HRH1: variants seen among roughly 807,000 people sequenced by gnomAD.
HRH1 encodes histamine receptor H1.
A neutral mutation model predicts 10.3 loss-of-function variants in HRH1; 6 were observed. That is an observed-to-expected ratio of 0.58 (90% confidence interval 0.32 to 1.15). HRH1 has a LOEUF of 1.15. Among genes scored for constraint, HRH1 ranks in the 50% most tolerant of loss-of-function variants. The pLI is 0.05. For synonymous variants in HRH1, 242 were observed against 236.7 expected, an observed-to-expected ratio of 1.02 and a Z score of -0.21; for missense variants, 514 against 615.3, an observed-to-expected ratio of 0.84 and a Z score of 1.74.
chr3:11,219,714 CAAAAAAAAAAAA>C (rs58875644), intron 1 of HRH1, among the ~76,000 whole-genome samples: 1 of 76,778 alleles, frequency 1.3e-5, no homozygotes, highest in Admixed American at 1.5e-4. Flanking sequence ...GACTTCATCT[CAAAAAAAAAAAA>C]AAAAAAAAGG....
At chr3:11,210,378 A>G (rs773204395) in intron 1 of HRH1, among the ~76,000 whole-genome samples, 10 of 152,084 alleles carry the variant, frequency 6.6e-5, no homozygotes, top group Non-Finnish European at 1.3e-4. Context: ...TGGGTGACAA[A>G]ACGAGACCCT....
intron 1 of HRH1, among the ~76,000 whole-genome samples, chr3:11,191,290 G>C (rs995850448): frequency 6.6e-6 from 1 of 152,158 alleles, no homozygotes. Flanking sequence ...ACAGAAGTGG[G>C]TGGGGAGCCA....
At chr3:11,210,380 C>A (rs375261931) in intron 1 of HRH1, among the ~76,000 whole-genome samples, 1 of 151,982 alleles carries the variant, frequency 6.6e-6, no homozygotes, top group Non-Finnish European at 1.5e-5. Flanking sequence ...GGTGACAAAA[C>A]GAGACCCTGT....
At chr3:11,177,997 G>T (rs112071523) in intron 1 of HRH1, among the ~76,000 whole-genome samples, 15 of 152,282 alleles carry the variant, frequency 9.9e-5, no homozygotes, top group African/African-American at 3.6e-4. Flanking sequence ...CATGCAGCCT[G>T]CCATCATCTC....
At chr3:11,219,753 A>C (rs1938639443) in intron 1 of HRH1, among the ~76,000 whole-genome samples, 1 of 150,722 alleles carries the variant, frequency 6.6e-6, no homozygotes, top group South Asian at 2.1e-4. Context: ...AATTTAATTT[A>C]ATGTGTAACA....
intron 1 of HRH1, among the ~76,000 whole-genome samples, chr3:11,258,066 G>C (rs1463708755): frequency 6.6e-6 from 1 of 151,966 alleles, no homozygotes; most frequent in African/African-American, 2.4e-5. Context: ...GTAAAATAAC[G>C]AATATGCTTT....
intron 1 of HRH1, chr3:11,252,733 T>A (rs1480658657): frequency 1.3e-5 from 2 of 152,256 alleles, no homozygotes. Flanking sequence ...ATACAGGATT[T>A]AAGAAGCCCA....
At chr3:11,152,168 A>G (rs1936645678), upstream of HRH1, among the ~76,000 whole-genome samples, 1 of 152,212 alleles carries the variant, frequency 6.6e-6, no homozygotes, top group African/African-American at 2.4e-5. Context: ...GGATGACAAC[A>G]GTACCTACCT....
At chr3:11,253,812 A>T (rs897507745) in intron 1 of HRH1, among the ~76,000 whole-genome samples, 1 of 152,166 alleles carries the variant, frequency 6.6e-6, no homozygotes, top group Non-Finnish European at 1.5e-5. Context: ...TGAGAATAAG[A>T]TGTCTAAGAT....
chr3:11,171,381 G>A (rs1433440100), intron 1 of HRH1, among the ~76,000 whole-genome samples: 1 of 152,152 alleles, frequency 6.6e-6, no homozygotes, highest in Non-Finnish European at 1.5e-5. Context: ...CTCCCAAAGT[G>A]CTGGGATTAC....
At chr3:11,215,963 C>T (rs183704674) in intron 1 of HRH1, among the ~76,000 whole-genome samples, 286 of 152,180 alleles carry the variant, frequency 1.9e-3, no homozygotes, top group African/African-American at 6.5e-3. Context: ...AAATACTCTT[C>T]CCAACAATAT....
rs1048265457 is a variant in HRH1 at position 11,163,342 on chromosome 3, A to T, written c.-36+8788A>T. ...AAATCCAGTGACATCCTCTGCAGCC[A>T]TTAAATAGAAGGAAACCTGAATTTT... On this transcript the variant is annotated intron_variant, in intron 1 of 1. Transcript: ENST00000431010. 2.0e-5 allele frequency among the ~76,000 whole-genome samples: 3 copies of T among 152,182 alleles called. No individual in the cohort carries two copies. In the South Asian group the frequency reaches 6.2e-4, roughly 32 times the overall value.
intron 1 of HRH1, among the ~76,000 whole-genome samples, chr3:11,253,844 A>G (rs1030498298): frequency 5.3e-5 from 8 of 152,120 alleles, no homozygotes; most frequent in African/African-American, 1.9e-4. Context: ...CGTCTAAAGT[A>G]TATATCTGGG....
Position 11,163,894 on chromosome 3 carries a change from A to T in HRH1, c.-36+9340A>T, listed in dbSNP as rs1936977357. Among the ~76,000 whole-genome samples the T allele has an allele frequency of 4.6e-5, 7 of 152,028 alleles. No homozygotes were observed. The South Asian group carries it at 1.5e-3, about 32-fold the overall frequency. On this transcript the variant is annotated intron_variant, in intron 1 of 1. Coordinates refer to ENST00000431010, the MANE Select transcript of HRH1 (RefSeq NM_001098212.2). Reference sequence around the variant, plus strand: ...TGGATTAGGATCCTTCTCTGGCCTTACAACACCCCCAGACTCACATCTTCC... The same window carrying T: ...TGGATTAGGATCCTTCTCTGGCCTTTCAACACCCCCAGACTCACATCTTCC...
chr3:11,167,929 A>G (rs1446493251), intron 1 of HRH1, among the ~76,000 whole-genome samples: 1 of 152,234 alleles, frequency 6.6e-6, no homozygotes, highest in Non-Finnish European at 1.5e-5. Context: ...CTGAGATACA[A>G]GGATGAACAA....
chr3:11,192,909 G>A (rs993323501), intron 1 of HRH1, among the ~76,000 whole-genome samples: 1 of 152,134 alleles, frequency 6.6e-6, no homozygotes, highest in Non-Finnish European at 1.5e-5. Flanking sequence ...GGCTATTAGA[G>A]GTATGGGCTA....
chr3:11,164,945 G>T (rs1374326073), intron 1 of HRH1, among the ~76,000 whole-genome samples: 1 of 152,210 alleles, frequency 6.6e-6, no homozygotes, highest in Admixed American at 6.5e-5. Flanking sequence ...TAAAACAGGA[G>T]TTGGAGTCTG....
At chr3:11,198,845 A>G (rs1325181217) in intron 1 of HRH1, among the ~76,000 whole-genome samples, 1 of 151,894 alleles carries the variant, frequency 6.6e-6, no homozygotes, top group Non-Finnish European at 1.5e-5. Context: ...AACTTCATAG[A>G]TGTGAACTTT....
chr3:11,262,384 A>AT lies in HRH1; in HGVS notation c.*1884dup, dbSNP rs1412869102. 4 of 167,214 alleles carry AT rather than the reference A, an allele frequency of 2.4e-5. No individual in the cohort carries two copies. The highest frequency in any genetic ancestry group is 9.6e-5 in the African/African-American group (4 of 41,590). 10.4% of individuals were successfully genotyped at this position (167,214 alleles called of 1,614,324 possible). A position where few individuals can be genotyped will look rare whatever the true frequency, so the allele number is the denominator to read the frequency against. ...TACCATCAAATGTTAACAGAGTTTG[A>AT]TATGGGCTTTCTCTTTGGTTTCTCA... On this transcript the variant is annotated 3_prime_UTR_variant, in exon 2 of 2. Transcript: ENST00000431010.
Sources: gnomAD v4.1 joint callset for allele counts (sites outside exome capture counted in the v4.1 genomes callset) on GRCh38, gnomAD v4.1.1 for gene constraint, MANE v1.5 for transcripts, NCBI Gene and HGNC (gene_info 2026-07-23, HGNC 2026-07-21) for gene names.